Variants in THSD4 observed in about 807,000 individuals in gnomAD.
The protein encoded by THSD4 is thrombospondin type-1 domain-containing protein 4.
A neutral mutation model predicts 119.0 loss-of-function variants in THSD4; 69 were observed. The observed-to-expected ratio is 0.58, with a 90% CI of 0.48 to 0.71. THSD4 has a LOEUF of 0.71. THSD4 is among the 30% of genes least tolerant of loss of function. The pLI is 0.00. For missense variants in THSD4, 1,393 were observed against 1,391.1 expected, an observed-to-expected ratio of 1.00 and a Z score of -0.02; for synonymous variants, 524 against 540.4, an observed-to-expected ratio of 0.97 and a Z score of 0.42.
intron 8 of THSD4, among the ~76,000 whole-genome samples, chr15:71,692,760 G>T (rs2052081822): frequency 6.6e-6 from 1 of 152,170 alleles, no homozygotes; most frequent in Non-Finnish European, 1.5e-5. Context: ...ACGTCTGCTG[G>T]CTGTGTTCCT....
chr15:71,511,813 C>T (rs1408221246), intron 7 of THSD4, among the ~76,000 whole-genome samples: 1 of 152,158 alleles, frequency 6.6e-6, no homozygotes, highest in Non-Finnish European at 1.5e-5. Context: ...GTTATTTCAC[C>T]TCTCAGGGCT....
chr15:71,410,876 T>TACAC (rs147641169), intron 6 of THSD4, among the ~76,000 whole-genome samples: 107 of 150,456 alleles, frequency 7.1e-4, no homozygotes, highest in African/African-American at 2.3e-3. Flanking sequence ...TACTAAAAAA[T>TACAC]ACACACACAC....
chr15:71,525,859 A>T (rs2048510484), intron 7 of THSD4, among the ~76,000 whole-genome samples: 1 of 152,212 alleles, frequency 6.6e-6, no homozygotes, highest in African/African-American at 2.4e-5. Flanking sequence ...CCCCAGCTAC[A>T]GACTCACCAC....
At chr15:71,633,501 C>G (rs1001080635) in intron 7 of THSD4, among the ~76,000 whole-genome samples, 3 of 152,106 alleles carry the variant, frequency 2.0e-5, no homozygotes, top group Non-Finnish European at 4.4e-5. Context: ...TCTCGAACTT[C>G]TGGGCTCAAA....
intron 7 of THSD4, among the ~76,000 whole-genome samples, chr15:71,610,864 TAG>T (rs1169962314): frequency 6.6e-6 from 1 of 152,128 alleles, no homozygotes; most frequent in African/African-American, 2.4e-5. Context: ...ATGGGGAGTC[TAG>T]AGAGGTGCCC....
chr15:71,133,026 A>G (rs1406646197), intron 1 of THSD4, among the ~76,000 whole-genome samples: 1 of 152,238 alleles, frequency 6.6e-6, no homozygotes, highest in Non-Finnish European at 1.5e-5. Context: ...AAAGGGCAGC[A>G]CATCAGAAAA....
rs1162392835 is a variant in THSD4 at position 71,591,044 on chromosome 15, GA to G, written c.1153-69478del. 5.7e-3 allele frequency among the ~76,000 whole-genome samples: 647 copies of G among 114,120 alleles called. 5 individuals carry two copies. The highest frequency in any genetic ancestry group is 0.02 in the African/African-American group (622 of 31,774). 74.9% of individuals were successfully genotyped at this position (114,120 alleles called of 152,430 possible). A position where few individuals can be genotyped will look rare whatever the true frequency, so the allele number is the denominator to read the frequency against. ...AAAAAAAAAAAAAAAAAAAGTTGAA[GA>G]AAAAAAAGAATAGTCCGTTCTCATA... On this transcript the variant is annotated intron_variant, in intron 7 of 17. Coordinates refer to ENST00000261862, the MANE Select transcript of THSD4 (RefSeq NM_024817.3).
intron 7 of THSD4, among the ~76,000 whole-genome samples, chr15:71,609,411 A>C (rs2050176725): frequency 1.3e-5 from 2 of 152,178 alleles, no homozygotes; most frequent in South Asian, 4.1e-4. Context: ...TCAGACCTGA[A>C]GGTCAGAGGT....
At chr15:71,342,575 T>C (rs1050497377) in intron 6 of THSD4, 1 of 152,652 alleles carries the variant, frequency 6.6e-6, no homozygotes, top group Non-Finnish European at 1.5e-5. Context: ...CCTGCCCTGG[T>C]GTGCCCTGGC....
chr15:71,770,421 G>A (rs910004811), intron 16 of THSD4, among the ~76,000 whole-genome samples: 4 of 150,710 alleles, frequency 2.7e-5, no homozygotes, highest in Non-Finnish European at 4.4e-5. Context: ...TTGGGAGGTC[G>A]AGGTGGGCAG....
At position 71,755,455 on chromosome 15, in the gene THSD4, G is replaced by A. The variant is rs142505207; in HGVS notation, c.2416-2447G>A. On this transcript the variant is annotated intron_variant, in intron 14 of 17. Transcript: ENST00000261862. ...ATTGCTTTATTTTCTAAAATAATAC[G>A]GGTAGAACTCAAACATTGACTCTAT... Among the ~76,000 whole-genome samples the A allele has an allele frequency of 5.4e-4, 82 of 151,928 alleles. 1 individual carries two copies. Among genetic ancestry groups the A allele is most frequent in the Middle Eastern group, 6.8e-3 (2 of 294 alleles).
chr15:71,404,722 G>C (rs1393833550), intron 6 of THSD4, among the ~76,000 whole-genome samples: 1 of 152,136 alleles, frequency 6.6e-6, no homozygotes, highest in Admixed American at 6.5e-5. Flanking sequence ...TGATATGCGA[G>C]GATAACAGCA....
At chr15:71,478,925 A>G (rs1389736491) in intron 7 of THSD4, among the ~76,000 whole-genome samples, 1 of 152,202 alleles carries the variant, frequency 6.6e-6, no homozygotes, top group East Asian at 1.9e-4. Context: ...ATTTTTCTGC[A>G]AGTGAACAGG....
rs540841412 is a variant in THSD4, at chr15:71,485,126, C to T, written c.1152+73303C>T. On this transcript the variant is annotated intron_variant, in intron 7 of 17. Coordinates refer to ENST00000261862, the MANE Select transcript of THSD4 (RefSeq NM_024817.3). ...AGGGTGTTTAATCAGTAACCACTAC[C>T]GCCACTCCTGCTATCCTCATTAATG... Among the ~76,000 whole-genome samples, 42 of 152,260 alleles carry T rather than the reference C, an allele frequency of 2.8e-4. 1 individual carries two copies. The South Asian group carries it at 6.5e-3, about 23-fold the overall frequency.
chr15:71,464,795 T>C (rs1309664585), intron 7 of THSD4, among the ~76,000 whole-genome samples: 1 of 152,174 alleles, frequency 6.6e-6, no homozygotes, highest in Non-Finnish European at 1.5e-5. Context: ...GTATAAGCCC[T>C]CCTTGGGTAG....
chr15:71,104,439 C>G (rs902351216), intron 1 of THSD4, among the ~76,000 whole-genome samples: 2 of 152,170 alleles, frequency 1.3e-5, no homozygotes, highest in Non-Finnish European at 2.9e-5. Context: ...TTGACACTGT[C>G]TACCTGGAGC....
chr15:71,454,818 A>G (rs933112452), intron 7 of THSD4, among the ~76,000 whole-genome samples: 4 of 152,218 alleles, frequency 2.6e-5, no homozygotes, highest in Admixed American at 1.3e-4. Context: ...GAGGAACAAA[A>G]TTAACAAGAA....
chr15:71,773,215 AGAAAAAG>A (rs1447186716), intron 17 of THSD4, among the ~76,000 whole-genome samples: 8,812 of 52,530 alleles, frequency 0.17, 1,012 homozygotes, highest in African/African-American at 0.27. Flanking sequence ...AAAAAAAAAA[AGAAAAAG>A]AAAAAAGAAA....
chr15:71,207,184 A>G (rs4777341), intron 3 of THSD4, among the ~76,000 whole-genome samples: 82,792 of 152,028 alleles, frequency 0.54, 25,203 homozygotes, highest in Admixed American at 0.69. Context: ...CTATGATGAA[A>G]TAAACCCCAT....
Sources: gnomAD v4.1 joint callset for allele counts (sites outside exome capture counted in the v4.1 genomes callset) on GRCh38, gnomAD v4.1.1 for gene constraint, MANE v1.5 for transcripts, NCBI Gene and HGNC (gene_info 2026-07-23, HGNC 2026-07-21) for gene names.